The following TMEM178B variants were observed in gnomAD, a reference collection of about 807,000 sequenced individuals.
TMEM178B encodes the protein transmembrane protein 178B.
TMEM178B carries 5 observed loss-of-function variants against 31.0 expected under a neutral mutation model. That is an observed-to-expected ratio of 0.16 (90% confidence interval 0.08 to 0.34). The LOEUF is 0.34. TMEM178B is among the 10% of genes least tolerant of loss of function. The probability of loss-of-function intolerance (pLI) is 1.00; values close to 1 mark genes in which losing one functional copy is unlikely to be tolerated. For synonymous variants in TMEM178B, 164 were observed against 164.0 expected (o/e 1.00, Z 0.00); for missense variants, 275 against 400.3 (o/e 0.69, Z 2.67).
chr7:141,126,554 G>A (rs963716834), intron 1 of TMEM178B, among the ~76,000 whole-genome samples: 3 of 152,298 alleles, frequency 2.0e-5, no homozygotes, highest in African/African-American at 4.8e-5. Flanking sequence ...TCCTTCATCC[G>A]ATACTCTGCA....
intron 2 of TMEM178B, among the ~76,000 whole-genome samples, chr7:141,248,420 ACT>A (rs1797774759): frequency 6.6e-6 from 1 of 151,976 alleles, no homozygotes; most frequent in African/African-American, 2.4e-5. Context: ...AGAGAGTGAG[ACT>A]CTGTCCCAAA....
chr7:141,235,836 T>G (rs2129192447), intron 2 of TMEM178B, among the ~76,000 whole-genome samples: 1 of 152,286 alleles, frequency 6.6e-6, no homozygotes, highest in East Asian at 1.9e-4. Flanking sequence ...ATAAGATAGG[T>G]GTGGCCCTTG....
At chr7:141,339,241 G>T (rs548991619) in intron 2 of TMEM178B, among the ~76,000 whole-genome samples, 1 of 152,352 alleles carries the variant, frequency 6.6e-6, no homozygotes, top group East Asian at 1.9e-4. Flanking sequence ...GTGTCTGCAG[G>T]TGGGGAGTGA....
intron 1 of TMEM178B, among the ~76,000 whole-genome samples, chr7:141,212,123 G>A (rs143938794): frequency 1.3e-5 from 2 of 152,216 alleles, no homozygotes; most frequent in East Asian, 3.9e-4. Context: ...GGTGAGGTTG[G>A]GAGGATGAGG....
intron 2 of TMEM178B, among the ~76,000 whole-genome samples, chr7:141,388,898 C>T (rs534274083): frequency 6.6e-6 from 1 of 152,132 alleles, no homozygotes; most frequent in Admixed American, 6.5e-5. Context: ...AAGGAAGGTG[C>T]AATGTTACCA....
Position 141,387,600 on chromosome 7 carries a change from G to A in TMEM178B, c.497-50008G>A, listed in dbSNP as rs1473478409. ...CATAGTCAATCAGGATTTTGAAGAG[G>A]TTTTCATAGCGAGGAGCTATATTTA... On this transcript the variant is annotated intron_variant, in intron 2 of 3. Coordinates refer to ENST00000565468, the MANE Select transcript of TMEM178B (RefSeq NM_001195278.2). Among the ~76,000 whole-genome samples the A allele has an allele frequency of 5.9e-5, 9 of 152,272 alleles. No individual in the cohort carries two copies. The East Asian group carries it at 1.7e-3, about 29-fold the overall frequency.
intron 2 of TMEM178B, among the ~76,000 whole-genome samples, chr7:141,259,151 C>A (rs968292650): frequency 6.6e-6 from 1 of 152,068 alleles, no homozygotes; most frequent in Admixed American, 6.6e-5. Context: ...TGTATTTATT[C>A]TTTCTGGTCT....
At chr7:141,426,298 T>C (rs1295167738) in intron 2 of TMEM178B, among the ~76,000 whole-genome samples, 1 of 152,198 alleles carries the variant, frequency 6.6e-6, no homozygotes, top group Non-Finnish European at 1.5e-5. Flanking sequence ...GGCAGTGCTC[T>C]GGAGACTAGA....
chr7:141,127,612 C>T (rs1795521017), intron 1 of TMEM178B, among the ~76,000 whole-genome samples: 1 of 152,190 alleles, frequency 6.6e-6, no homozygotes, highest in African/African-American at 2.4e-5. Flanking sequence ...CCTACAGCCT[C>T]TGGAAGGAGT....
intron 1 of TMEM178B, among the ~76,000 whole-genome samples, chr7:141,151,632 GT>G (rs1216972993): frequency 6.6e-6 from 1 of 152,152 alleles, no homozygotes; most frequent in Admixed American, 6.5e-5. Flanking sequence ...TGGAGATATA[GT>G]TCTCTCTCTG....
intron 3 of TMEM178B, among the ~76,000 whole-genome samples, chr7:141,464,184 C>A (rs931204683): frequency 1.3e-5 from 2 of 152,146 alleles, no homozygotes; most frequent in African/African-American, 4.8e-5. Flanking sequence ...AAGGAGGGGA[C>A]CTTTGGGGAC....
At chr7:141,295,258 A>T (rs935633915) in intron 2 of TMEM178B, among the ~76,000 whole-genome samples, 1 of 152,080 alleles carries the variant, frequency 6.6e-6, no homozygotes, top group African/African-American at 2.4e-5. Flanking sequence ...GTTGGAGGAG[A>T]TCTTGTGCCC....
At chr7:141,095,530 C>A (rs1794946170) in intron 1 of TMEM178B, among the ~76,000 whole-genome samples, 2 of 152,132 alleles carry the variant, frequency 1.3e-5, no homozygotes, top group Admixed American at 1.3e-4. Flanking sequence ...GTTATTGCTG[C>A]TTTCTTCCAC....
At chr7:141,482,347 C>G (rs1227337631), downstream of TMEM178B, among the ~76,000 whole-genome samples, 1 of 152,226 alleles carries the variant, frequency 6.6e-6, no homozygotes, top group Non-Finnish European at 1.5e-5. Context: ...TTTCCCTAAC[C>G]CTGTGGCAGC....
intron 2 of TMEM178B, among the ~76,000 whole-genome samples, chr7:141,428,303 G>A (rs1327137956): frequency 6.7e-6 from 1 of 150,050 alleles, no homozygotes; most frequent in Non-Finnish European, 1.5e-5. Context: ...GGGAGGCGGA[G>A]GTTGTGGTGA....
chr7:141,347,301 A>G (rs552711417), intron 2 of TMEM178B, among the ~76,000 whole-genome samples: 183 of 152,208 alleles, frequency 1.2e-3, no homozygotes, highest in African/African-American at 4.2e-3. Context: ...TTTTCCTTCA[A>G]ATTTAAATGT....
intron 2 of TMEM178B, among the ~76,000 whole-genome samples, chr7:141,330,024 C>G (rs1280176475): frequency 6.6e-6 from 1 of 152,060 alleles, no homozygotes; most frequent in African/African-American, 2.4e-5. Context: ...GTGAAGATGG[C>G]CATGGTAACC....
chr7:141,340,161 A>G (rs904744473), intron 2 of TMEM178B, among the ~76,000 whole-genome samples: 2 of 152,238 alleles, frequency 1.3e-5, no homozygotes, highest in Admixed American at 1.3e-4. Flanking sequence ...CCATGAACCA[A>G]GAAATGCAGG....
intron 2 of TMEM178B, among the ~76,000 whole-genome samples, chr7:141,376,460 A>G (rs924660676): frequency 6.6e-6 from 1 of 152,236 alleles, no homozygotes; most frequent in Non-Finnish European, 1.5e-5. Context: ...TAACCATAAC[A>G]TCGCTAATGA....
Sources: allele counts gnomAD v4.1 joint callset (sites outside exome capture counted in the v4.1 genomes callset), GRCh38; gene constraint gnomAD v4.1.1; transcripts MANE v1.5; gene names NCBI Gene and HGNC (gene_info 2026-07-23, HGNC 2026-07-21).